TMEM132D: variants seen among roughly 807,000 people sequenced by gnomAD.
TMEM132D encodes the protein mature OL transmembrane protein.
A neutral mutation model predicts 62.3 loss-of-function variants in TMEM132D; 21 were observed. That is an observed-to-expected ratio of 0.34 (90% confidence interval 0.24 to 0.49). The LOEUF is 0.49. Ranked by LOEUF, TMEM132D falls within the 20% of genes least tolerant of loss-of-function variation. The pLI is 0.99. For missense variants in TMEM132D, 1,346 were observed against 1,402.8 expected, an observed-to-expected ratio of 0.96 and a Z score of 0.65; for synonymous variants, 621 against 575.6, an observed-to-expected ratio of 1.08 and a Z score of -1.13.
intron 1 of TMEM132D, among the ~76,000 whole-genome samples, chr12:129,813,611 G>GAT (rs3046846): frequency 0.56 from 76,327 of 136,472 alleles, 23,814 homozygotes; most frequent in Non-Finnish European, 0.68. Flanking sequence ...CAGAAAATGT[G>GAT]ATATATATAT....
chr12:129,555,909 C>T (rs1020808270), intron 2 of TMEM132D, among the ~76,000 whole-genome samples: 1 of 152,142 alleles, frequency 6.6e-6, no homozygotes, highest in African/African-American at 2.4e-5. Flanking sequence ...GTGTCTCTCT[C>T]TGTAGATAAT....
intron 4 of TMEM132D, among the ~76,000 whole-genome samples, chr12:129,258,345 TTGGAGC>T (rs1566014273): frequency 1.3e-5 from 2 of 152,122 alleles, no homozygotes; most frequent in African/African-American, 4.8e-5. Flanking sequence ...TCAATAGTAA[TTGGAGC>T]ATCAAGCACA....
At chr12:129,313,569 G>GTATATATATA (rs71451305) in intron 4 of TMEM132D, among the ~76,000 whole-genome samples, 4 of 148,394 alleles carry the variant, frequency 2.7e-5, no homozygotes, top group African/African-American at 5.0e-5. Flanking sequence ...GTGTGTGTGT[G>GTATATATATA]TATATATATA....
At chr12:129,520,879 C>G (rs1875829219) in intron 3 of TMEM132D, among the ~76,000 whole-genome samples, 1 of 152,164 alleles carries the variant, frequency 6.6e-6, no homozygotes, top group Non-Finnish European at 1.5e-5. Flanking sequence ...ATAGACCAAA[C>G]AAAATGTTGC....
chr12:129,518,089 T>A (rs542683907), intron 3 of TMEM132D, among the ~76,000 whole-genome samples: 1 of 152,122 alleles, frequency 6.6e-6, no homozygotes, highest in Non-Finnish European at 1.5e-5. Context: ...GAAAGTTTTT[T>A]CCCCCCTAAG....
rs1878315284 is a variant in TMEM132D at position 129,189,269 on chromosome 12, G to T, written c.1443+20251C>A. Among the ~76,000 whole-genome samples the T allele has an allele frequency of 1.3e-5, 2 of 152,134 alleles. 1 individual carries two copies. Among genetic ancestry groups the T allele is most frequent in the South Asian group, 4.1e-4 (2 of 4,828 alleles). ...CCTCAGGGACAGGGGACCAATTCCAGTCTGAAAGTTTGGGATCCCAGGCCA... is the reference window on the plus strand; with the variant it reads ...CCTCAGGGACAGGGGACCAATTCCATTCTGAAAGTTTGGGATCCCAGGCCA... On this transcript the variant is annotated intron_variant, in intron 5 of 8. Transcript: ENST00000422113.
In TMEM132D at chr12:129,654,204, C is replaced by T. The variant is rs535614713; in HGVS notation, c.968+45606G>A. Among the ~76,000 whole-genome samples the T allele has an allele frequency of 6.2e-4, 95 of 152,210 alleles. 1 individual carries two copies. Among genetic ancestry groups the T allele is most frequent in the Admixed American group, 2.3e-3 (35 of 15,278 alleles). ...GCTTTGGCCACTGGGAGCTCTTTCC[C>T]TTGGCTCCTGTGTCTCTCAGACATG... On this transcript the variant is annotated intron_variant, in intron 2 of 8. Transcript: ENST00000422113.
At chr12:129,488,237 C>A (rs940058898) in intron 3 of TMEM132D, among the ~76,000 whole-genome samples, 10 of 152,318 alleles carry the variant, frequency 6.6e-5, no homozygotes, top group African/African-American at 2.4e-4. Context: ...AAACAAGCTG[C>A]GACTCCATCA....
chr12:129,699,977 G>A lies in TMEM132D; in HGVS notation c.801C>T (p.Ile267=), dbSNP rs907461232. The A allele has an allele frequency of 1.9e-6, 3 of 1,613,974 alleles. No homozygotes were observed. Among genetic ancestry groups the A allele is most frequent in the East Asian group, 4.5e-5 (2 of 44,876 alleles). The part of the protein sequence containing the change: ...IDESGPPLQR[I]GSIFLYQTHR... ...GTGTCTGATAAAGGAAGATGCTCCC[G>A]ATCCTCTGCAAGGGGGGCCCGGACT... The change falls in exon 2 of 9, where the codon ATC becomes ATT. Residue 267 remains isoleucine, a synonymous_variant. Transcript: ENST00000422113.
At chr12:129,172,281 G>T (rs886659720) in intron 5 of TMEM132D, among the ~76,000 whole-genome samples, 2 of 152,224 alleles carry the variant, frequency 1.3e-5, no homozygotes, top group Non-Finnish European at 2.9e-5. Context: ...TGGCTCAAGG[G>T]AATGTTGCAG....
intron 5 of TMEM132D, among the ~76,000 whole-genome samples, chr12:129,205,967 T>C (rs1394597177): frequency 9.9e-5 from 15 of 152,120 alleles, no homozygotes. Flanking sequence ...ATGGATTAAA[T>C]ACTTAAATGT....
rs1016209292 is a variant in TMEM132D, at chr12:129,903,011, C to T, written c.79+250G>A. Among the ~76,000 whole-genome samples the T allele has an allele frequency of 6.6e-6, 1 of 152,182 alleles. No homozygotes were observed. Among genetic ancestry groups the T allele is most frequent in the East Asian group, 1.9e-4 (1 of 5,172 alleles). ...AAACAGCCTTCCTTTCCTTTCGGCT[C>T]CTTAGTAGTCTCACCTAAGGCCTCC... On this transcript the variant is annotated intron_variant, in intron 1 of 8. Transcript: ENST00000422113. This position sits in a 1 kb window ranked among gnomAD's most constrained non-coding sequence, Gnocchi z 6.2.
chr12:129,365,703 C>T (rs563414061), intron 3 of TMEM132D, among the ~76,000 whole-genome samples: 2 of 152,242 alleles, frequency 1.3e-5, no homozygotes, highest in East Asian at 1.9e-4. Flanking sequence ...GGCGAGGAGG[C>T]AGGCAGGTCT....
At chr12:129,136,384 T>A (rs546975221) in intron 5 of TMEM132D, among the ~76,000 whole-genome samples, 1 of 152,312 alleles carries the variant, frequency 6.6e-6, no homozygotes, top group East Asian at 1.9e-4. Context: ...CCTCAGTCTT[T>A]CCCTACCTTT....
At chr12:129,721,561 G>A (rs570427324) in intron 1 of TMEM132D, among the ~76,000 whole-genome samples, 1 of 152,130 alleles carries the variant, frequency 6.6e-6, no homozygotes, top group Admixed American at 6.5e-5. Context: ...TGGCGCTCTA[G>A]GTGAGCAGCC....
At chr12:129,798,425 A>G (rs1280026736) in intron 1 of TMEM132D, among the ~76,000 whole-genome samples, 4 of 152,198 alleles carry the variant, frequency 2.6e-5, no homozygotes, top group Admixed American at 1.3e-4. Flanking sequence ...CTGTAAAATA[A>G]TTAGAAGCGC....
chr12:129,578,424 G>GTGTA (rs773756392), intron 2 of TMEM132D, among the ~76,000 whole-genome samples: 73 of 150,586 alleles, frequency 4.8e-4, no homozygotes, highest in African/African-American at 1.8e-3. Context: ...GTGTGTGTGT[G>GTGTA]TATATATATA....
intron 1 of TMEM132D, among the ~76,000 whole-genome samples, chr12:129,775,036 C>T (rs1305867486): frequency 6.6e-6 from 1 of 152,134 alleles, no homozygotes; most frequent in African/African-American, 2.4e-5. Flanking sequence ...ATTATTGTTA[C>T]AGACATTTAT....
chr12:129,329,716 T>C (rs936320867), intron 4 of TMEM132D, among the ~76,000 whole-genome samples: 4 of 152,178 alleles, frequency 2.6e-5, no homozygotes, highest in African/African-American at 9.7e-5. Flanking sequence ...ACGCCTTTAC[T>C]GAGCATCTAC....
Sources: gnomAD v4.1 joint callset for allele counts (sites outside exome capture counted in the v4.1 genomes callset) on GRCh38, gnomAD v4.1.1 for gene constraint, Gnocchi (gnomAD v3.1) non-coding constraint, MANE v1.5 for transcripts, NCBI Gene and HGNC (gene_info 2026-07-23, HGNC 2026-07-21) for gene names.